The following PIEZO2 variants were observed in gnomAD, a reference collection of about 807,000 sequenced individuals.
PIEZO2 encodes the protein piezo type mechanosensitive ion channel component 2, also known as piezo-type mechanosensitive ion channel component 2.
A neutral mutation model predicts 337.3 loss-of-function variants in PIEZO2; 172 were observed. The ratio of observed to expected loss-of-function variants is 0.51; its 90% CI spans 0.45 to 0.58. The LOEUF (loss-of-function observed/expected upper bound fraction) is 0.58. PIEZO2 is among the 20% of genes least tolerant of loss of function. The pLI is 0.00. For missense variants in PIEZO2, 3,028 were observed against 3,391.3 expected (o/e 0.89, Z 2.66); for synonymous variants, 1,251 against 1,228.5 (o/e 1.02, Z -0.38).
At chr18:10,843,778 C>G (rs1253258415) in intron 7 of PIEZO2, among the ~76,000 whole-genome samples, 1 of 152,138 alleles carries the variant, frequency 6.6e-6, no homozygotes, top group African/African-American at 2.4e-5. Context: ...TGCTCCCTGC[C>G]AGGGTTCAAA....
rs1215466841 is a variant in PIEZO2 at position 11,001,963 on chromosome 18, G to T, written c.161-22303C>A. 1.4e-5 allele frequency among the ~76,000 whole-genome samples: 2 copies of T among 141,630 alleles called. No homozygotes were observed. Among genetic ancestry groups the T allele is most frequent in the African/African-American group, 5.5e-5 (2 of 36,282 alleles). The allele number at this position is 141,630 out of a possible 152,430, so 92.9% of individuals were successfully genotyped here. ...GAAGGAAGGAAGAAAAAAAGACTTG[G>T]AAGGAGCCAAAACTTGCAGCAAAGT... On this transcript the variant is annotated intron_variant, in intron 2 of 55. Transcript: ENST00000674853. This position sits in a 1 kb window ranked among gnomAD's most constrained non-coding sequence, Gnocchi z 5.3.
chr18:11,115,303 T>C (rs973394958), intron 1 of PIEZO2, among the ~76,000 whole-genome samples: 1 of 152,218 alleles, frequency 6.6e-6, no homozygotes, highest in African/African-American at 2.4e-5. Flanking sequence ...TAAAATAGCC[T>C]ACAAGAAAAT....
At chr18:11,063,716 T>C (rs934697816) in intron 2 of PIEZO2, among the ~76,000 whole-genome samples, 5 of 152,204 alleles carry the variant, frequency 3.3e-5, no homozygotes, top group Non-Finnish European at 7.3e-5. Flanking sequence ...AACTTATTGT[T>C]TCAGGTGCAG....
intron 1 of PIEZO2, among the ~76,000 whole-genome samples, chr18:11,074,903 G>A (rs943386327): frequency 1.3e-5 from 2 of 152,132 alleles, no homozygotes; most frequent in African/African-American, 4.8e-5. Context: ...GCTATTAAAG[G>A]TAAGTGCTCT....
chr18:10,797,085 C>G (rs1397056421), intron 12 of PIEZO2, among the ~76,000 whole-genome samples: 2 of 148,984 alleles, frequency 1.3e-5, no homozygotes, highest in Non-Finnish European at 3.0e-5. Flanking sequence ...ACCATCATAT[C>G]TTATATACCA....
intron 4 of PIEZO2, among the ~76,000 whole-genome samples, chr18:10,906,320 A>C (rs1406961034): frequency 1.3e-5 from 2 of 152,228 alleles, no homozygotes; most frequent in Non-Finnish European, 2.9e-5. Context: ...ACACAGAATG[A>C]CTGAGAATAT....
rs1351036773 is a variant in PIEZO2 at position 11,094,823 on chromosome 18, A to G, written c.65-28601T>C. Among the ~76,000 whole-genome samples, 1 of 152,232 alleles carries G rather than the reference A, an allele frequency of 6.6e-6. No homozygotes were observed. The highest frequency in any genetic ancestry group is 1.5e-5 in the Non-Finnish European group (1 of 68,044). ...ATAAAAATGTCTCTCCTTTGTAAAC[A>G]TTAGTCTGCAGATTTAGAAGCACTT... On this transcript the variant is annotated intron_variant, in intron 1 of 55. Coordinates refer to ENST00000674853, the MANE Select transcript of PIEZO2 (RefSeq NM_001378183.1). This position sits in a 1 kb window ranked among gnomAD's most constrained non-coding sequence, Gnocchi z 4.4.
In PIEZO2 at chr18:10,872,443, G is replaced by T. The variant is rs982285334; in HGVS notation, c.330-1028C>A. 3.9e-5 allele frequency among the ~76,000 whole-genome samples: 6 copies of T among 152,162 alleles called. No individual in the cohort carries two copies. Among genetic ancestry groups the T allele is most frequent in the African/African-American group, 1.4e-4 (6 of 41,440 alleles). On this transcript the variant is annotated intron_variant, in intron 4 of 55. Coordinates refer to ENST00000674853, the MANE Select transcript of PIEZO2 (RefSeq NM_001378183.1). The surrounding 1 kb of genome is among the most constrained non-coding windows in gnomAD (Gnocchi z 4.3). ...GTGGTAATGAATATGGGAATGAGAG[G>T]CAGTATACTGAGTTGCCAGCATAGT... is the stretch of plus-strand genomic sequence containing the variant.
At chr18:10,709,720 T>G (rs116210414) in intron 39 of PIEZO2, 1 of 152,268 alleles carries the variant, frequency 6.6e-6, no homozygotes, top group Non-Finnish European at 1.5e-5. Context: ...TCAGGTCCCA[T>G]GTGCTGGAGC....
intron 21 of PIEZO2, among the ~76,000 whole-genome samples, chr18:10,765,026 CTT>C (rs2038293707): frequency 6.6e-6 from 1 of 152,164 alleles, no homozygotes; most frequent in African/African-American, 2.4e-5. Flanking sequence ...TTATTCAGAA[CTT>C]TTAATTTTCT....
chr18:10,823,043 A>G (rs1457622412), intron 7 of PIEZO2, among the ~76,000 whole-genome samples: 1 of 152,180 alleles, frequency 6.6e-6, no homozygotes, highest in Non-Finnish European at 1.5e-5. Context: ...TTTTTCTTTC[A>G]TGATTCAGAA....
At chr18:10,896,264 A>C (rs987455788) in intron 4 of PIEZO2, among the ~76,000 whole-genome samples, 2 of 152,080 alleles carry the variant, frequency 1.3e-5, no homozygotes, top group African/African-American at 2.4e-5. Flanking sequence ...CCTTCAAAAA[A>C]TTAAACTCCT....
At chr18:10,948,453 C>T (rs1038230001) in intron 3 of PIEZO2, among the ~76,000 whole-genome samples, 1 of 152,054 alleles carries the variant, frequency 6.6e-6, no homozygotes, top group Non-Finnish European at 1.5e-5. Context: ...TGCCAAATAA[C>T]CCTAATGAAA....
At chr18:10,809,246 C>T (rs1212116574) in intron 7 of PIEZO2, among the ~76,000 whole-genome samples, 1 of 100,378 alleles carries the variant, frequency 1.0e-5, no homozygotes. Context: ...CCTAAGATTT[C>T]TCTCTCTCTC....
At chr18:11,109,000 G>A (rs1410109921) in intron 1 of PIEZO2, among the ~76,000 whole-genome samples, 2 of 152,320 alleles carry the variant, frequency 1.3e-5, no homozygotes, top group South Asian at 2.1e-4. Context: ...CCCCCTGTCA[G>A]TACCACCAGC....
intron 44 of PIEZO2, 73 bp from the exon 45 acceptor site, chr18:10,697,953 A>T: frequency 6.6e-7 from 1 of 1,520,004 alleles, no homozygotes; most frequent in Admixed American, 2.1e-5. Context: ...CAAGAAGCAG[A>T]ACCCAGAGCC....
intron 1 of PIEZO2, among the ~76,000 whole-genome samples, chr18:11,090,837 C>CGG (rs34733496): frequency 3.9e-4 from 59 of 149,700 alleles, no homozygotes; most frequent in South Asian, 1.5e-3. Context: ...GGTGTGAACC[C>CGG]GGGGGGGCAA....
Position 10,676,608 on chromosome 18 carries a change from G to T in PIEZO2, c.8081+1139C>A, listed in dbSNP as rs1336461201. 6.6e-6 allele frequency among the ~76,000 whole-genome samples: 1 copy of T among 152,144 alleles called. No homozygotes were observed. The highest frequency in any genetic ancestry group is 6.5e-5 in the Admixed American group (1 of 15,268). On this transcript the variant is annotated intron_variant, in intron 53 of 55. Coordinates refer to ENST00000674853, the MANE Select transcript of PIEZO2 (RefSeq NM_001378183.1). This position sits in a 1 kb window ranked among gnomAD's most constrained non-coding sequence, Gnocchi z 5.1. ...AGGGGCAGGAATAATAGTAGAAAAG[G>T]GTCTCACAGGGTCTTTGCCTGGCTT...
In PIEZO2 at chr18:10,813,121, A is replaced by G. The variant is rs1478352891; in HGVS notation, c.918-5847T>C. Reference sequence around the variant, plus strand: ...CAGCCTCCGGAGTATCTAGGATTACAGGCACGCGCCACCACGCTCAGCTAA... The same window carrying G: ...CAGCCTCCGGAGTATCTAGGATTACGGGCACGCGCCACCACGCTCAGCTAA... On this transcript the variant is annotated intron_variant, in intron 7 of 55. Transcript: ENST00000674853. The surrounding 1 kb of genome is among the most constrained non-coding windows in gnomAD (Gnocchi z 4.2). Among the ~76,000 whole-genome samples the G allele has an allele frequency of 6.6e-6, 1 of 151,856 alleles. No homozygotes were observed. The highest frequency in any genetic ancestry group is 6.6e-5 in the Admixed American group (1 of 15,242).
Sources: gnomAD v4.1 joint callset for allele counts (sites outside exome capture counted in the v4.1 genomes callset) on GRCh38, gnomAD v4.1.1 for gene constraint, Gnocchi (gnomAD v3.1) non-coding constraint, MANE v1.5 for transcripts, NCBI Gene and HGNC (gene_info 2026-07-23, HGNC 2026-07-21) for gene names.